MBNL1: variants seen among roughly 807,000 people sequenced by gnomAD.
The protein encoded by MBNL1 is muscleblind-like protein 1.
In MBNL1, 8 loss-of-function variants were observed where a neutral mutation model predicts 42.2. The ratio of observed to expected loss-of-function variants is 0.19; its 90% confidence interval spans 0.11 to 0.34. MBNL1 has a LOEUF of 0.34. Among genes scored for constraint, MBNL1 ranks in the 10% least tolerant of loss-of-function variants. The pLI, the probability that MBNL1 is intolerant of heterozygous loss-of-function variation, is 1.00. For synonymous variants in MBNL1, 169 were observed against 173.9 expected (o/e 0.97, Z 0.22); for missense variants, 309 against 495.3 (o/e 0.62, Z 3.57).
intron 2 of MBNL1, among the ~76,000 whole-genome samples, chr3:152,337,490 C>T (rs905277245): frequency 2.6e-5 from 4 of 152,030 alleles, no homozygotes; most frequent in Middle Eastern, 3.4e-3. Context: ...TGGTTGTGCA[C>T]GCCTGTAGTC....
chr3:152,381,828 T>G (rs1351141927), intron 2 of MBNL1, among the ~76,000 whole-genome samples: 3 of 152,048 alleles, frequency 2.0e-5, no homozygotes. Context: ...CTTAACTTAC[T>G]TTCAAACTGA....
intron 3 of MBNL1, among the ~76,000 whole-genome samples, chr3:152,416,664 C>A (rs896598651): frequency 2.0e-5 from 3 of 152,212 alleles, no homozygotes; most frequent in African/African-American, 2.4e-5. Flanking sequence ...CCTTTGAGAT[C>A]AGCAAGTGTG....
At chr3:152,273,257 G>C (rs1159205991) in intron 1 of MBNL1, among the ~76,000 whole-genome samples, 3 of 152,158 alleles carry the variant, frequency 2.0e-5, no homozygotes, top group African/African-American at 7.2e-5. Context: ...ACTGTCTCTA[G>C]ACATATTTTT....
chr3:152,307,527 A>T (rs1164043832), intron 2 of MBNL1, among the ~76,000 whole-genome samples: 1 of 151,922 alleles, frequency 6.6e-6, no homozygotes, highest in African/African-American at 2.4e-5. Context: ...AGTGCTTTTC[A>T]TTTTTTTCAT....
intron 2 of MBNL1, among the ~76,000 whole-genome samples, chr3:152,303,512 G>C (rs772664838): frequency 2.0e-5 from 3 of 151,998 alleles, no homozygotes; most frequent in Non-Finnish European, 4.4e-5. Context: ...TGCCAAAGAG[G>C]ATTATGTTCC....
At chr3:152,427,582 A>G (rs918035137) in intron 3 of MBNL1, among the ~76,000 whole-genome samples, 6 of 152,042 alleles carry the variant, frequency 3.9e-5, no homozygotes, top group Non-Finnish European at 7.4e-5. Context: ...AGAACTTTAT[A>G]ATATGAATTT....
intron 1 of MBNL1, among the ~76,000 whole-genome samples, chr3:152,273,384 A>G (rs990766588): frequency 6.6e-6 from 1 of 152,246 alleles, no homozygotes; most frequent in African/African-American, 2.4e-5. Flanking sequence ...TAGTAAATAC[A>G]TGGTTATAGT....
At chr3:152,373,968 A>G (rs775657530) in intron 2 of MBNL1, among the ~76,000 whole-genome samples, 18 of 152,208 alleles carry the variant, frequency 1.2e-4, no homozygotes, top group Non-Finnish European at 2.5e-4. Context: ...TGTTGCTTCT[A>G]TCTTCTCACT....
intron 2 of MBNL1, among the ~76,000 whole-genome samples, chr3:152,392,534 T>G (rs936284892): frequency 2.0e-5 from 3 of 152,254 alleles, no homozygotes; most frequent in Non-Finnish European, 4.4e-5. Context: ...ATTTCTACTT[T>G]TTAAAAGCAG....
At chr3:152,448,503 A>G (rs937422071) in intron 6 of MBNL1, among the ~76,000 whole-genome samples, 2 of 152,176 alleles carry the variant, frequency 1.3e-5, no homozygotes, top group African/African-American at 4.8e-5. Flanking sequence ...TTACTTCAGA[A>G]AATACATATA....
intron 2 of MBNL1, among the ~76,000 whole-genome samples, chr3:152,392,371 G>GTCTCCAT (rs2097759477): frequency 6.6e-6 from 1 of 152,092 alleles, no homozygotes; most frequent in African/African-American, 2.4e-5. Flanking sequence ...CCATTGGAGT[G>GTCTCCAT]GTGTTAATGG....
At chr3:152,302,231 C>T (rs563546909) in intron 2 of MBNL1, 12 of 152,126 alleles carry the variant, frequency 7.9e-5, no homozygotes, top group Admixed American at 6.5e-4. Flanking sequence ...GAACTCATTA[C>T]AGCAGCTAAT....
chr3:152,334,955 A>G (rs949249280), intron 2 of MBNL1, among the ~76,000 whole-genome samples: 1 of 152,050 alleles, frequency 6.6e-6, no homozygotes, highest in South Asian at 2.1e-4. Context: ...GTACGGGCAA[A>G]CTCTCTGTAG....
chr3:152,373,729 A>T (rs149274897), intron 2 of MBNL1, among the ~76,000 whole-genome samples: 559 of 152,288 alleles, frequency 3.7e-3, no homozygotes, highest in African/African-American at 0.013. Flanking sequence ...TCTCACTGGG[A>T]GCTGCAGACC....
At chr3:152,451,106 A>G (rs531127804) in intron 6 of MBNL1, among the ~76,000 whole-genome samples, 68 of 152,246 alleles carry the variant, frequency 4.5e-4, no homozygotes, top group Middle Eastern at 3.4e-3. Flanking sequence ...GAATTCTTTT[A>G]TTTTTTGCAG....
intron 3 of MBNL1, among the ~76,000 whole-genome samples, chr3:152,425,589 CAG>C (rs1012625039): frequency 6.7e-6 from 1 of 149,106 alleles, no homozygotes; most frequent in African/African-American, 2.5e-5. Flanking sequence ...GCCTGGGTAA[CAG>C]AGAGAGGATC....
intron 2 of MBNL1, among the ~76,000 whole-genome samples, chr3:152,251,370 A>G (rs1409632337): frequency 6.6e-6 from 1 of 152,100 alleles, no homozygotes; most frequent in Non-Finnish European, 1.5e-5. Flanking sequence ...GATCAATTGA[A>G]CTAATATATG....
chr3:152,300,146 G>T lies in MBNL1; in HGVS notation c.-48G>T. On this transcript the variant is annotated 5_prime_UTR_variant, in exon 2 of 10. Transcript: ENST00000324210. ...GTTGTTGCTCTTTTTTGGGGGGGTT[G>T]GGTTTGTTGGTTTCACTGAAACATT... 1 of 1,283,860 alleles carries T rather than the reference G, an allele frequency of 7.8e-7. No individual in the cohort carries two copies. Among genetic ancestry groups the T allele is most frequent in the Non-Finnish European group, 1.1e-6 (1 of 933,450 alleles). 79.5% of individuals were successfully genotyped at this position (1,283,860 alleles called of 1,614,324 possible).
intron 2 of MBNL1, among the ~76,000 whole-genome samples, chr3:152,257,113 G>A (rs978439749): frequency 2.6e-5 from 4 of 152,114 alleles, no homozygotes; most frequent in Non-Finnish European, 2.9e-5. Context: ...CATACTATCG[G>A]ATTATTGCAG....
Sources: allele counts gnomAD v4.1 joint callset (sites outside exome capture counted in the v4.1 genomes callset), GRCh38; gene constraint gnomAD v4.1.1; transcripts MANE v1.5; gene names NCBI Gene and HGNC (gene_info 2026-07-23, HGNC 2026-07-21).